PPFIBP2: variants seen among roughly 807,000 people sequenced by gnomAD.
PPFIBP2 encodes PPFIB scaffold protein 2, also known as liprin-beta-2.
In PPFIBP2, 118 loss-of-function variants were observed where a neutral mutation model predicts 118.3. The observed-to-expected ratio is 1.00, with a 90% CI of 0.86 to 1.16. The LOEUF (loss-of-function observed/expected upper bound fraction) is 1.16. Among genes scored for constraint, PPFIBP2 ranks in the 50% most tolerant of loss-of-function variants. The probability of loss-of-function intolerance (pLI) is 0.00; values close to 1 mark genes in which losing one functional copy is unlikely to be tolerated. For missense variants in PPFIBP2, 1,195 were observed against 1,073.1 expected, an observed-to-expected ratio of 1.11 and a Z score of -1.59; for synonymous variants, 414 against 397.4, an observed-to-expected ratio of 1.04 and a Z score of -0.50.
rs924442215 is a variant in PPFIBP2 at position 7,583,067 on chromosome 11, G to C, written c.280-10065G>C. 1.3e-5 allele frequency among the ~76,000 whole-genome samples: 2 copies of C among 152,180 alleles called. 1 individual carries two copies. Among genetic ancestry groups the C allele is most frequent in the Admixed American group, 1.3e-4 (2 of 15,278 alleles). ...CTTTCACTGTTAAGATTCTTGGTGA[G>C]TTGTTAGCCTGCTCGTTCATCTCTA... is the stretch of plus-strand genomic sequence containing the variant. On this transcript the variant is annotated intron_variant, in intron 3 of 23. Transcript: ENST00000299492.
intron 6 of PPFIBP2, among the ~76,000 whole-genome samples, chr11:7,618,770 T>C (rs1848987871): frequency 1.3e-5 from 2 of 151,958 alleles, no homozygotes; most frequent in African/African-American, 4.8e-5. Flanking sequence ...TTAGTAGAGA[T>C]AGGGTTTCAC....
intron 3 of PPFIBP2, among the ~76,000 whole-genome samples, chr11:7,586,798 G>C (rs1037376531): frequency 2.0e-5 from 3 of 152,170 alleles, no homozygotes; most frequent in African/African-American, 4.8e-5. Flanking sequence ...TTGAAGTTCA[G>C]CTGGGCCAAA....
At chr11:7,547,931 C>T (rs965747637) in intron 1 of PPFIBP2, among the ~76,000 whole-genome samples, 2 of 152,194 alleles carry the variant, frequency 1.3e-5, no homozygotes, top group Admixed American at 1.3e-4. Context: ...CTGAGTTTAT[C>T]TGGTTCTCCC....
intron 7 of PPFIBP2, among the ~76,000 whole-genome samples, chr11:7,623,033 G>A (rs1001007344): frequency 6.6e-6 from 1 of 152,168 alleles, no homozygotes; most frequent in South Asian, 2.1e-4. Flanking sequence ...ACCCAGTGAG[G>A]TATATGTTTT....
Position 7,549,442 on chromosome 11 carries a change from A to G in PPFIBP2, c.-34A>G, listed in dbSNP as rs773723404. ...TTGTTCTGTATTTGAATTTTCAGTAAGAAGAGGAGGAGGCCAGGCAGGCAA... is the reference window on the plus strand; with the variant it reads ...TTGTTCTGTATTTGAATTTTCAGTAGGAAGAGGAGGAGGCCAGGCAGGCAA... On this transcript the variant is annotated splice_region_variant and 5_prime_UTR_variant, in exon 2 of 24. An upstream open reading frame in the 5' UTR loses its in-frame stop. Coordinates refer to ENST00000299492, the MANE Select transcript of PPFIBP2 (RefSeq NM_003621.5). 5 of 1,553,086 alleles carry G rather than the reference A, an allele frequency of 3.2e-6. No individual in the cohort carries two copies. The highest frequency in any genetic ancestry group is 3.5e-6 in the Non-Finnish European group (4 of 1,147,736).
At chr11:7,516,643 C>A (rs1486882707) in intron 1 of PPFIBP2, among the ~76,000 whole-genome samples, 1 of 152,126 alleles carries the variant, frequency 6.6e-6, no homozygotes, top group Admixed American at 6.5e-5. Context: ...GAGGACGAGG[C>A]AGGGGTTTTA....
At chr11:7,666,637 C>T in the PPFIBP2 span, 14 of 851,482 alleles carry the variant, frequency 1.6e-5, no homozygotes, top group African/African-American at 1.7e-4. Flanking sequence ...TACTCCTGGC[C>T]AAAGCTGCCA....
In PPFIBP2 at chr11:7,648,533, A is replaced by T; in HGVS notation, c.1793A>T (p.Glu598Val). The T allele has an allele frequency of 6.2e-7, 1 of 1,613,872 alleles. No homozygotes were observed. Among genetic ancestry groups the T allele is most frequent in the Non-Finnish European group, 8.5e-7 (1 of 1,179,872 alleles). Residue 598 changes from glutamate to valine, a missense_variant, in exon 18 of 24, where the codon GAA becomes GTA. Physicochemically the swap from Glu to Val is moderately radical, Grantham distance 121. Coordinates refer to ENST00000299492, the MANE Select transcript of PPFIBP2 (RefSeq NM_003621.5). The part of the protein sequence containing the change: ...TLLTATPQDM[E>V]KELGIKHPLH... ...TTGACAGCCACCCCTCAGGACATGGAAAAGGTAAGGGCTCAGCTTGGGGAG... is the reference window on the plus strand; with the variant it reads ...TTGACAGCCACCCCTCAGGACATGGTAAAGGTAAGGGCTCAGCTTGGGGAG...
In PPFIBP2 at chr11:7,529,437, G is replaced by A. The variant is rs137898205; in HGVS notation, c.-37+15316G>A. ...TGGAGTGATTGCCTGTCTGGCTATCGGTGTCCCCAAAGAGTGTGGTGTCCA... is the reference window on the plus strand; with the variant it reads ...TGGAGTGATTGCCTGTCTGGCTATCAGTGTCCCCAAAGAGTGTGGTGTCCA... On this transcript the variant is annotated intron_variant, in intron 1 of 23. Coordinates refer to ENST00000299492, the MANE Select transcript of PPFIBP2 (RefSeq NM_003621.5). Among the ~76,000 whole-genome samples, 543 of 152,188 alleles carry A rather than the reference G, an allele frequency of 3.6e-3. 5 individuals carry two copies. Among genetic ancestry groups the A allele is most frequent in the African/African-American group, 0.012 (507 of 41,522 alleles).
chr11:7,559,614 G>T (rs140925732), intron 2 of PPFIBP2, among the ~76,000 whole-genome samples: 111 of 152,214 alleles, frequency 7.3e-4, no homozygotes, highest in African/African-American at 2.4e-3. Flanking sequence ...TATATGTGTG[G>T]TATTATAAAC....
At chr11:7,633,064 G>C in intron 12 of PPFIBP2, 130 bp downstream of exon 12, 1 of 769,106 alleles carries the variant, frequency 1.3e-6, no homozygotes, top group South Asian at 1.6e-5. Flanking sequence ...CCCCTCTGTT[G>C]TTAGGGCAGT....
At chr11:7,643,890 A>G (rs1198933323) in intron 17 of PPFIBP2, among the ~76,000 whole-genome samples, 1 of 152,030 alleles carries the variant, frequency 6.6e-6, no homozygotes, top group African/African-American at 2.4e-5. Context: ...AACACATTTT[A>G]TTTTCTTTCT....
the PPFIBP2 span, chr11:7,666,743 TCCTCCATGTGGATGAAGAA>T: frequency 3.8e-4 from 183 of 487,076 alleles, no homozygotes; most frequent in East Asian, 6.3e-3. Context: ...TGGATGAAGT[TCCTCCATGTGGATGAAGAA>T]CCTCCATGGG....
At chr11:7,579,244 G>A (rs997805181) in intron 3 of PPFIBP2, among the ~76,000 whole-genome samples, 4 of 152,134 alleles carry the variant, frequency 2.6e-5, no homozygotes, top group African/African-American at 9.7e-5. Flanking sequence ...GCTATTAGTG[G>A]TGCAGCCTGG....
rs577127715 is a variant in PPFIBP2, at chr11:7,641,640, C to T, written c.1517+20C>T. On this transcript the variant is annotated intron_variant, in intron 16 of 23. Coordinates refer to ENST00000299492, the MANE Select transcript of PPFIBP2 (RefSeq NM_003621.5). ...GGGAAAGTAAGTTGGTGCCGTTGATCCTAATTATATTGCTTAGAATTTTTC... is the reference window on the plus strand; with the variant it reads ...GGGAAAGTAAGTTGGTGCCGTTGATTCTAATTATATTGCTTAGAATTTTTC... 1.9e-5 allele frequency: 31 copies of T among 1,611,760 alleles called. No individual in the cohort carries two copies. The highest frequency in any genetic ancestry group is 2.5e-5 in the Non-Finnish European group (30 of 1,178,154).
intron 23 of PPFIBP2, among the ~76,000 whole-genome samples, chr11:7,652,240 T>G (rs751096773): frequency 1.3e-5 from 2 of 152,210 alleles, no homozygotes; most frequent in Non-Finnish European, 2.9e-5. Context: ...CCTGCTGATA[T>G]AGGAAGTGCT....
intron 17 of PPFIBP2, chr11:7,648,184 T>C (rs960378891): frequency 3.7e-6 from 2 of 539,766 alleles, no homozygotes; most frequent in Non-Finnish European, 3.2e-6. Context: ...TCTTGTGTTA[T>C]TAAGAAAACT....
intron 14 of PPFIBP2, among the ~76,000 whole-genome samples, chr11:7,636,583 C>T (rs1220846504): frequency 1.3e-5 from 2 of 152,244 alleles, no homozygotes; most frequent in Middle Eastern, 3.4e-3. Flanking sequence ...CCCCCTCCCA[C>T]CTCAGCGTCA....
At chr11:7,646,051 T>C (rs1395016067) in intron 17 of PPFIBP2, among the ~76,000 whole-genome samples, 3 of 152,230 alleles carry the variant, frequency 2.0e-5, no homozygotes, top group African/African-American at 7.2e-5. Flanking sequence ...AAAGCAGTAA[T>C]TTGCTAAGAG....
Sources: gnomAD v4.1 joint callset for allele counts (sites outside exome capture counted in the v4.1 genomes callset) on GRCh38, gnomAD v4.1.1 for gene constraint, MANE v1.5 for transcripts, NCBI Gene and HGNC (gene_info 2026-07-23, HGNC 2026-07-21) for gene names.